MYBBP1A: variants seen among roughly 807,000 people sequenced by gnomAD.
MYBBP1A encodes MYB binding protein 1a.
MYBBP1A carries 147 observed loss-of-function variants against 136.3 expected under a neutral mutation model. The observed-to-expected ratio is 1.08, with a 90% CI of 0.94 to 1.24. The LOEUF (loss-of-function observed/expected upper bound fraction) is 1.24. MYBBP1A is among the 50% of genes most tolerant of loss of function. MYBBP1A has a pLI of 0.00. For synonymous variants in MYBBP1A, 947 were observed against 735.8 expected, an observed-to-expected ratio of 1.29 and a Z score of -4.65; for missense variants, 2,060 against 1,727.4, an observed-to-expected ratio of 1.19 and a Z score of -3.41.
chr17:4,551,767 G>A, intron 8 of MYBBP1A, 113 bp downstream of exon 8: 1 of 895,346 alleles, frequency 1.1e-6, no homozygotes, highest in South Asian at 1.4e-5. Context: ...CCCAGACGGA[G>A]GGGACACCCA....
rs774691971 is a variant in MYBBP1A at position 4,552,594 on chromosome 17, C to A, written c.594G>T (p.Pro198=). ...TATTCAAGTCGGCTTTGAGGACCTCCGGCAGGATCTCCTGCAATGTGGCCT... is the reference window on the plus strand; with the variant it reads ...TATTCAAGTCGGCTTTGAGGACCTCAGGCAGGATCTCCTGCAATGTGGCCT... ...VSKATLQEIL[P]EVLKADLNII... is the part of the protein sequence containing the mutation. The change falls in exon 6 of 26, where the codon CCG becomes CCT. Residue 198 remains proline, a synonymous_variant. Coordinates refer to ENST00000254718, the MANE Select transcript of MYBBP1A (RefSeq NM_014520.4). The surrounding 1 kb of genome is among the most constrained non-coding windows in gnomAD (Gnocchi z 4.7). 6.2e-6 allele frequency: 10 copies of A among 1,613,812 alleles called. 1 individual carries two copies. In the South Asian group the frequency reaches 9.9e-5, roughly 16 times the overall value.
rs374197013 is a variant in MYBBP1A at position 4,542,703 on chromosome 17, C to T, written c.2931G>A (p.Val977=). Residue 977 remains valine, a synonymous_variant, in exon 21 of 26, where the codon GTG becomes GTA. Coordinates refer to ENST00000254718, the MANE Select transcript of MYBBP1A (RefSeq NM_014520.4). ...SCLDLNLVTR[V]YSTALSSFLT... is the part of the protein sequence containing the mutation. ...GGAAGGAGCTCAGTGCTGTCGAGTA[C>T]ACCCGGGTCACCAGGTTCAAGTCCA... 15 of 1,614,022 alleles carry T rather than the reference C, an allele frequency of 9.3e-6. No homozygotes were observed. Among genetic ancestry groups the T allele is most frequent in the Non-Finnish European group, 1.2e-5 (14 of 1,179,954 alleles).
In MYBBP1A at chr17:4,555,356, T is replaced by C; in HGVS notation, c.-32A>G. The C allele has an allele frequency of 7.0e-6, 11 of 1,570,592 alleles. No homozygotes were observed. The highest frequency in any genetic ancestry group is 8.6e-6 in the Non-Finnish European group (10 of 1,158,236). On this transcript the variant is annotated 5_prime_UTR_variant, in exon 1 of 26. Transcript: ENST00000254718. ...CACACTCACCGAAACACGAAACACG[T>C]GTGCTCCGGCCCCAGCCGCTTCCAG...
rs759570212 is a variant in MYBBP1A at position 4,543,011 on chromosome 17, G to A, written c.2794C>T (p.Arg932Trp). 29 of 1,613,968 alleles carry A rather than the reference G, an allele frequency of 1.8e-5. 1 individual carries two copies. Among genetic ancestry groups the A allele is most frequent in the South Asian group, 7.7e-5 (7 of 91,084 alleles). ...YHFNASLYLL[R>W]VLKGNTAEGC... ...TCAGCAGTGTTGCCCTTCAAGACCC[G>A]GAGCAGGTAGAGAGAGGCGTTGAAG... Residue 932 changes from arginine (R) to tryptophan (W), a missense_variant, in exon 20 of 26, where the codon CGG becomes TGG. Physicochemically the swap from Arg to Trp is moderately radical, Grantham distance 101. Coordinates refer to ENST00000254718, the MANE Select transcript of MYBBP1A (RefSeq NM_014520.4).
In MYBBP1A at chr17:4,548,116, C is replaced by T. The variant is rs751387482; in HGVS notation, c.1724+27G>A. On this transcript the variant is annotated intron_variant, in intron 12 of 25. Transcript: ENST00000254718. The surrounding 1 kb of genome is among the most constrained non-coding windows in gnomAD (Gnocchi z 4.2). ...ACCAGTCAGACTGCAGCGTCCTGCC[C>T]ACCCCCTGGAAATCCCACGTGCTCA... 13 of 1,603,928 alleles carry T rather than the reference C, an allele frequency of 8.1e-6. No individual in the cohort carries two copies. Among genetic ancestry groups the T allele is most frequent in the East Asian group, 2.2e-5 (1 of 44,860 alleles).
chr17:4,545,040 C>G lies in MYBBP1A; in HGVS notation c.2296G>C (p.Ala766Pro). Reference sequence around the variant, plus strand: ...CCCCCACTCACCAGCGCCTTCCCAGCCTGCAGCACGGTCATCAGCTGTTCC... The same window carrying G: ...CCCCCACTCACCAGCGCCTTCCCAGGCTGCAGCACGGTCATCAGCTGTTCC... ...FREQLMTVLQAGKALGGEDSE... is the reference protein window; with the variant it reads ...FREQLMTVLQPGKALGGEDSE... The change falls in exon 17 of 26, where the codon GCT (alanine) becomes CCT (proline). Residue 766 changes from alanine to proline, a missense_variant. By Grantham distance (27) the Ala-to-Pro change is conservative (BLOSUM62 -1). Transcript: ENST00000254718. 2 of 1,542,704 alleles carry G rather than the reference C, an allele frequency of 1.3e-6. No homozygotes were observed. The highest frequency in any genetic ancestry group is 1.7e-6 in the Non-Finnish European group (2 of 1,145,834).
At position 4,539,686 on chromosome 17, in the gene MYBBP1A, G is replaced by C. The variant is rs370612548; in HGVS notation, c.3716C>G (p.Thr1239Ser). 1 of 1,608,664 alleles carries C rather than the reference G, an allele frequency of 6.2e-7. No individual in the cohort carries two copies. Among genetic ancestry groups the C allele is most frequent in the East Asian group, 2.2e-5 (1 of 44,712 alleles). ...TTKSPAPGAP[T>S]RSPSTPAKSP... ...TTTGGCAGGGGTGCTGGGGCTCCGG[G>C]TGGGGGCGCCAGGGGCTGGACTCTT... Residue 1239 changes from threonine (T) to serine (S), a missense_variant, in exon 26 of 26, where the codon ACC becomes AGC. Transcript: ENST00000254718.
chr17:4,545,230 C>T (rs769763775), intron 16 of MYBBP1A, 29 bp downstream of exon 16: 24 of 1,612,750 alleles, frequency 1.5e-5, no homozygotes, highest in Admixed American at 1.7e-5. Flanking sequence ...CACTCCCCAC[C>T]GCCCCCGCCC....
rs770105455 is a variant in MYBBP1A at position 4,544,688 on chromosome 17, AC to A, written c.2482-43del. 89 of 1,375,510 alleles carry A rather than the reference AC, an allele frequency of 6.5e-5. No homozygotes were observed. The East Asian group carries it at 1.6e-3, about 25-fold the overall frequency. The allele number at this position is 1,375,510 out of a possible 1,614,324, so 85.2% of individuals were successfully genotyped here. A position where few individuals can be genotyped will look rare whatever the true frequency, so the allele number is the denominator to read the frequency against. The stretch of plus-strand genomic sequence containing the variant: ...AGGTCAGCAACACGGGGGTGGGCGC[AC>A]AGGGAGGCGGGGGTGGGCGCACAGG... On this transcript the variant is annotated intron_variant, in intron 18 of 25. Coordinates refer to ENST00000254718, the MANE Select transcript of MYBBP1A (RefSeq NM_014520.4).
At chr17:4,553,001 T>C (rs551842469) in intron 5 of MYBBP1A, among the ~76,000 whole-genome samples, 14 of 152,270 alleles carry the variant, frequency 9.2e-5, no homozygotes, top group Non-Finnish European at 7.4e-5. Flanking sequence ...TTTGTATTTT[T>C]AGTAGAGATG....
chr17:4,542,025 T>C, intron 22 of MYBBP1A, 134 bp from the exon 23 acceptor site: 1 of 653,036 alleles, frequency 1.5e-6, no homozygotes, highest in South Asian at 1.9e-5. Context: ...CTCTGGGCTC[T>C]GTGACTACCT....
intron 4 of MYBBP1A, 34 bp downstream of exon 4, chr17:4,553,985 G>T: frequency 6.2e-7 from 1 of 1,613,828 alleles, no homozygotes; most frequent in Non-Finnish European, 8.5e-7. Context: ...TCCCAAGCCA[G>T]CCTACATTCC....
chr17:4,540,111 T>C lies in MYBBP1A; in HGVS notation c.3435-144A>G, dbSNP rs189269762. 298 of 1,198,566 alleles carry C rather than the reference T, an allele frequency of 2.5e-4. No individual in the cohort carries two copies. In the African/African-American group the frequency reaches 4.0e-3, roughly 16 times the overall value. 74.2% of individuals were successfully genotyped at this position (1,198,566 alleles called of 1,614,324 possible). On this transcript the variant is annotated intron_variant, in intron 25 of 25. Transcript: ENST00000254718. The stretch of plus-strand genomic sequence containing the variant: ...CCCTATGAGGGTCCCGTGAGGGTCC[T>C]ATGAGGGTCCTGCGAGGCCCCTGGG...
chr17:4,542,574 G>GAGCAGGGACCATGAGGA lies in MYBBP1A; in HGVS notation c.3018+25_3018+41dup, dbSNP rs1597378500. The GAGCAGGGACCATGAGGA allele has an allele frequency of 1.3e-5, 21 of 1,613,028 alleles. No individual in the cohort carries two copies. In the East Asian group the frequency reaches 4.5e-4, roughly 34 times the overall value. Reference sequence around the variant, plus strand: ...AGGGCTGTGAGGTGCAGGCTGGGCTGAGCAGGGACCATGAGGAAGCAGGGC... The same window carrying GAGCAGGGACCATGAGGA: ...AGGGCTGTGAGGTGCAGGCTGGGCTGAGCAGGGACCATGAGGAAGCAGGGACCATGAGGAAGCAGGGC... On this transcript the variant is annotated intron_variant, in intron 21 of 25. Transcript: ENST00000254718.
At chr17:4,542,854 G>T in intron 20 of MYBBP1A, 59 bp downstream of exon 20, 1 of 1,605,610 alleles carries the variant, frequency 6.2e-7, no homozygotes, top group Non-Finnish European at 8.5e-7. Flanking sequence ...GGGAAGTCCC[G>T]GCCTCCACTC....
At chr17:4,553,765 T>C in intron 5 of MYBBP1A, 45 bp downstream of exon 5, 1 of 1,481,730 alleles carries the variant, frequency 6.7e-7, no homozygotes, top group East Asian at 2.3e-5. Context: ...TTGATGTCTC[T>C]GTAACAAAGT....
intron 19 of MYBBP1A, 61 bp from the exon 20 acceptor site, chr17:4,543,226 C>T: frequency 2.0e-6 from 3 of 1,516,396 alleles, no homozygotes; most frequent in Non-Finnish European, 1.8e-6. Context: ...CTCCGCCAAG[C>T]AGAGCCAACC....
intron 25 of MYBBP1A, 126 bp from the exon 26 acceptor site, chr17:4,540,093 A>AG: frequency 7.9e-7 from 1 of 1,265,634 alleles, no homozygotes; most frequent in South Asian, 1.4e-5. Flanking sequence ...GGCCCCTATG[A>AG]GGGTCCCGTG....
chr17:4,547,976 C>T lies in MYBBP1A; in HGVS notation c.1806G>A (p.Val602=). 1 of 1,519,136 alleles carries T rather than the reference C, an allele frequency of 6.6e-7. No homozygotes were observed. The highest frequency in any genetic ancestry group is 8.8e-7 in the Non-Finnish European group (1 of 1,129,976). The allele number at this position is 1,519,136 out of a possible 1,614,324, so 94.1% of individuals were successfully genotyped here. A position where few individuals can be genotyped will look rare whatever the true frequency, so the allele number is the denominator to read the frequency against. Residue 602 remains valine (V), a synonymous_variant, in exon 13 of 26, where the codon GTG becomes GTA. Coordinates refer to ENST00000254718, the MANE Select transcript of MYBBP1A (RefSeq NM_014520.4). ...CCAGTACCTTGAGGAGGTGGATGCCCACGAGGAGCAGAAGGTGCTGGAAGG... is the reference window on the plus strand; with the variant it reads ...CCAGTACCTTGAGGAGGTGGATGCCTACGAGGAGCAGAAGGTGCTGGAAGG... The part of the protein sequence containing the change: ...AAAFQHLLLL[V]GIHLLKSPAE...
Sources: allele counts gnomAD v4.1 joint callset (sites outside exome capture counted in the v4.1 genomes callset), GRCh38; gene constraint gnomAD v4.1.1; non-coding constraint Gnocchi (gnomAD v3.1); transcripts MANE v1.5; gene names NCBI Gene and HGNC (gene_info 2026-07-23, HGNC 2026-07-21).